The following PIK3CD variants were observed in gnomAD, a reference collection of about 807,000 sequenced individuals.
The protein encoded by PIK3CD is phosphatidylinositol-4,5-bisphosphate 3-kinase catalytic subunit delta.
PIK3CD carries 20 observed loss-of-function variants against 122.9 expected under a neutral mutation model. The ratio of observed to expected loss-of-function variants is 0.16; its 90% CI spans 0.11 to 0.24. The LOEUF is 0.24. Among genes scored for constraint, PIK3CD ranks in the 10% least tolerant of loss-of-function variants. The pLI is 1.00. For synonymous variants in PIK3CD, 596 were observed against 593.4 expected (o/e 1.00, Z -0.06); for missense variants, 787 against 1,406.3 (o/e 0.56, Z 7.04).
At position 9,727,276 on chromosome 1, in the gene PIK3CD, G is replaced by A. The variant is rs1192073280; in HGVS notation, c.*230G>A. The A allele has an allele frequency of 3.5e-6, 2 of 571,198 alleles. No homozygotes were observed. Among genetic ancestry groups the A allele is most frequent in the East Asian group, 6.0e-5 (2 of 33,092 alleles). The allele number at this position is 571,198 out of a possible 1,614,324, so 35.4% of individuals were successfully genotyped here. The stretch of plus-strand genomic sequence containing the variant: ...GCAGCGGCGGTGCTGGGCCCCCCGA[G>A]GCTGCACCTGGCTCTCGGCTGAGGA... On this transcript the variant is annotated 3_prime_UTR_variant, in exon 24 of 24. Coordinates refer to ENST00000377346, the MANE Select transcript of PIK3CD (RefSeq NM_005026.5).
chr1:9,714,149 A>G (rs1387297955), intron 3 of PIK3CD, among the ~76,000 whole-genome samples: 1 of 151,962 alleles, frequency 6.6e-6, no homozygotes, highest in African/African-American at 2.4e-5. Flanking sequence ...ACCGCACCTG[A>G]CCTAGATGTC....
chr1:9,716,365 T>C (rs536301780), intron 5 of PIK3CD, 75 bp from the exon 6 acceptor site: 1 of 1,443,314 alleles, frequency 6.9e-7, no homozygotes, highest in African/African-American at 1.4e-5. Flanking sequence ...TGGGGGCAAA[T>C]AGGCAACCCT....
intron 13 of PIK3CD, 83 bp from the exon 14 acceptor site, chr1:9,721,044 G>T: frequency 1.4e-6 from 2 of 1,458,952 alleles, no homozygotes; most frequent in South Asian, 2.3e-5. Flanking sequence ...CCACCACCCT[G>T]ACCCTGGCTG....
In PIK3CD at chr1:9,722,515, G is replaced by A; in HGVS notation, c.2348-13G>A. The A allele has an allele frequency of 6.2e-7, 1 of 1,611,662 alleles. No homozygotes were observed. The highest frequency in any genetic ancestry group is 8.5e-7 in the Non-Finnish European group (1 of 1,178,216). ...GAAACTCACGCTTCTCCTCCCACCG[G>A]CCGGTGGCACAGACCTCCGGCAGGA... On this transcript the variant is annotated splice_polypyrimidine_tract_variant and intron_variant, in intron 18 of 23. Transcript: ENST00000377346. This position sits in a 1 kb window ranked among gnomAD's most constrained non-coding sequence, Gnocchi z 7.6.
At chr1:9,709,075 G>A (rs939245571) in intron 2 of PIK3CD, among the ~76,000 whole-genome samples, 1 of 151,936 alleles carries the variant, frequency 6.6e-6, no homozygotes, top group African/African-American at 2.4e-5. Flanking sequence ...TGTTACCCAG[G>A]CTGGAGTGCA....
intron 1 of PIK3CD, among the ~76,000 whole-genome samples, chr1:9,683,101 G>T (rs1410165449): frequency 6.8e-6 from 1 of 147,620 alleles, no homozygotes; most frequent in Admixed American, 6.7e-5. Flanking sequence ...TGCCAGCCTG[G>T]GTGACAAAGG....
Position 9,668,592 on chromosome 1 carries a change from A to G in PIK3CD, c.-138+16790A>G, listed in dbSNP as rs1331344990. On this transcript the variant is annotated intron_variant, in intron 1 of 23. Transcript: ENST00000377346. ...CCGTCACCCAAGCAGTGTACACTGTACCAAATGTGTAGTCTTTTATCCCTC... is the reference window on the plus strand; with the variant it reads ...CCGTCACCCAAGCAGTGTACACTGTGCCAAATGTGTAGTCTTTTATCCCTC... Among the ~76,000 whole-genome samples, 3 of 152,090 alleles carry G rather than the reference A, an allele frequency of 2.0e-5. No homozygotes were observed. In the East Asian group the frequency reaches 5.8e-4, roughly 29 times the overall value.
intron 1 of PIK3CD, among the ~76,000 whole-genome samples, chr1:9,674,692 CAAAAAAA>C (rs35463378): frequency 3.4e-5 from 2 of 58,222 alleles, no homozygotes. Context: ...GACTCCGTCT[CAAAAAAA>C]AAAAAAAAAA....
At chr1:9,716,415 G>T (rs1647456229) in intron 5 of PIK3CD, 25 bp from the exon 6 acceptor site, 3 of 1,609,908 alleles carry the variant, frequency 1.9e-6, no homozygotes, top group Non-Finnish European at 2.5e-6. Flanking sequence ...CGAGGGCAGA[G>T]GACTGACCTC....
In PIK3CD at chr1:9,721,141, G is replaced by C. The variant is rs1402174293; in HGVS notation, c.1704G>C (p.Leu568=). The C allele has an allele frequency of 5.6e-6, 9 of 1,612,180 alleles. No individual in the cohort carries two copies. Among genetic ancestry groups the C allele is most frequent in the Non-Finnish European group, 6.8e-6 (8 of 1,179,944 alleles). Residue 568 remains leucine, a synonymous_variant, in exon 14 of 24, where the codon CTG becomes CTC. Coordinates refer to ENST00000377346, the MANE Select transcript of PIK3CD (RefSeq NM_005026.5). ...HEDVAQMLYL[L]CSWPELPVLS... The stretch of plus-strand genomic sequence containing the variant: ...GCTCCCCCCAGATGCTCTACCTGCT[G>C]TGCTCCTGGCCGGAGCTGCCCGTCC...
At position 9,728,631 on chromosome 1, in the gene PIK3CD, A is replaced by AAACTC. The variant is rs1266229610; in HGVS notation, c.*1587_*1591dup. The stretch of plus-strand genomic sequence containing the variant: ...ACACGCCTGTTCCCAGCAAGTGCTG[A>AAACTC]AACTCACTAGACCGTCTGCCTGTTT... On this transcript the variant is annotated 3_prime_UTR_variant, in exon 24 of 24. Coordinates refer to ENST00000377346, the MANE Select transcript of PIK3CD (RefSeq NM_005026.5). 5 of 152,260 alleles carry AAACTC rather than the reference A, an allele frequency of 3.3e-5. No homozygotes were observed. Among genetic ancestry groups the AAACTC allele is most frequent in the African/African-American group, 1.2e-4 (5 of 41,474 alleles). The allele number at this position is 152,260 out of a possible 1,614,324, so 9.4% of individuals were successfully genotyped here. A position where few individuals can be genotyped will look rare whatever the true frequency, so the allele number is the denominator to read the frequency against.
chr1:9,641,902 T>G, the PIK3CD span, among the ~76,000 whole-genome samples: 1 of 152,134 alleles, frequency 6.6e-6, no homozygotes, highest in African/African-American at 2.4e-5. Flanking sequence ...GCTCCACCCT[T>G]TCTTTGCCAT....
intron 2 of PIK3CD, among the ~76,000 whole-genome samples, chr1:9,701,999 G>GT (rs1287911748): frequency 0.035 from 5,052 of 143,104 alleles, 264 homozygotes; most frequent in African/African-American, 0.11. Context: ...TGTTTTTTTG[G>GT]TTTTTTTTTT....
intron 1 of PIK3CD, among the ~76,000 whole-genome samples, chr1:9,655,882 T>G (rs575211872): frequency 2.1e-4 from 32 of 151,970 alleles, no homozygotes; most frequent in Non-Finnish European, 4.0e-4. Context: ...TTTTTAGCAG[T>G]GACGGTGTTT....
the PIK3CD span, among the ~76,000 whole-genome samples, chr1:9,634,685 C>T: frequency 6.6e-6 from 1 of 152,174 alleles, no homozygotes; most frequent in African/African-American, 2.4e-5. Flanking sequence ...ACAAGAACTG[C>T]CAGTGTCCCA....
chr1:9,633,998 G>A, the PIK3CD span, among the ~76,000 whole-genome samples: 1 of 151,350 alleles, frequency 6.6e-6, no homozygotes, highest in Non-Finnish European at 1.5e-5. Flanking sequence ...TTTTAGACAG[G>A]GCCTTGCTCT....
intron 1 of PIK3CD, among the ~76,000 whole-genome samples, chr1:9,661,210 C>T (rs1644999664): frequency 6.6e-6 from 1 of 151,876 alleles, no homozygotes. Flanking sequence ...GCTGGGATTA[C>T]AGACCTGAGC....
In PIK3CD at chr1:9,723,036, T is replaced by C; in HGVS notation, c.2427-89T>C. 2.3e-6 allele frequency: 3 copies of C among 1,329,252 alleles called. No individual in the cohort carries two copies. Among genetic ancestry groups the C allele is most frequent in the African/African-American group, 1.4e-5 (1 of 69,460 alleles). 82.3% of individuals were successfully genotyped at this position (1,329,252 alleles called of 1,614,324 possible). A position where few individuals can be genotyped will look rare whatever the true frequency, so the allele number is the denominator to read the frequency against. On this transcript the variant is annotated intron_variant, in intron 19 of 23. Coordinates refer to ENST00000377346, the MANE Select transcript of PIK3CD (RefSeq NM_005026.5). The surrounding 1 kb of genome is among the most constrained non-coding windows in gnomAD (Gnocchi z 4.9). ...GGGCAGCAGCATCTTCTGTGGCTTT[T>C]TGGGGCACCATGAGTTTCTGGGGCT...
intron 1 of PIK3CD, among the ~76,000 whole-genome samples, chr1:9,661,212 G>A (rs1343635822): frequency 6.6e-6 from 1 of 151,840 alleles, no homozygotes; most frequent in Non-Finnish European, 1.5e-5. Context: ...TGGGATTACA[G>A]ACCTGAGCCA....
Sources: allele counts gnomAD v4.1 joint callset (sites outside exome capture counted in the v4.1 genomes callset), GRCh38; gene constraint gnomAD v4.1.1; non-coding constraint Gnocchi (gnomAD v3.1); transcripts MANE v1.5; gene names NCBI Gene and HGNC (gene_info 2026-07-23, HGNC 2026-07-21).